ORC2: variants seen among roughly 807,000 people sequenced by gnomAD.
ORC2 encodes the protein origin recognition complex protein 2 homolog.
A neutral mutation model predicts 77.7 loss-of-function variants in ORC2; 37 were observed. The ratio of observed to expected loss-of-function variants is 0.48; its 90% CI spans 0.37 to 0.63. The LOEUF (loss-of-function observed/expected upper bound fraction) is 0.63, where lower values mean the gene tolerates loss of function less well. Among genes scored for constraint, ORC2 ranks in the 20% least tolerant of loss-of-function variants. The probability of loss-of-function intolerance (pLI) is 0.00; values close to 1 mark genes in which losing one functional copy is unlikely to be tolerated. For missense variants in ORC2, 557 were observed against 661.9 expected (o/e 0.84, Z 1.74); for synonymous variants, 201 against 229.5 (o/e 0.88, Z 1.12).
chr2:200,940,288 G>A lies in ORC2; in HGVS notation c.453+960C>T, dbSNP rs536543017. Among the ~76,000 whole-genome samples the A allele has an allele frequency of 1.8e-4, 28 of 152,260 alleles. No individual in the cohort carries two copies. The East Asian group carries it at 4.2e-3, about 23-fold the overall frequency. On this transcript the variant is annotated intron_variant, in intron 7 of 17. Transcript: ENST00000234296. ...ACCCTTTCCTTATGGTAGGTAAGCC[G>A]TGGGTCTGGGGAGTAACACTGCAGA...
rs200066674 is a variant in ORC2, at chr2:200,913,994, T to TAAAAAAAAAA, written c.1467-12_1467-3dup. ...TTTATTAGTAGCCTGAAAATTCCCC[T>TAAAAAAAAAA]AAAAAAAAAAAAAAACAGGAATTTA... On this transcript the variant is annotated splice_region_variant and splice_polypyrimidine_tract_variant and intron_variant, in intron 15 of 17. Transcript: ENST00000234296. 8.7e-7 allele frequency: 1 copy of TAAAAAAAAAA among 1,148,150 alleles called. No homozygotes were observed. Among genetic ancestry groups the TAAAAAAAAAA allele is most frequent in the Non-Finnish European group, 1.2e-6 (1 of 836,474 alleles). The allele number at this position is 1,148,150 out of a possible 1,614,324, so 71.1% of individuals were successfully genotyped here.
intron 14 of ORC2, 88 bp from the exon 15 acceptor site, chr2:200,920,481 G>T: frequency 9.0e-7 from 1 of 1,105,614 alleles, no homozygotes; most frequent in Non-Finnish European, 1.2e-6. Flanking sequence ...AATGAGAAAG[G>T]ATTAAATAAA....
At chr2:200,953,273 CATTA>C (rs1358324943) in intron 4 of ORC2, among the ~76,000 whole-genome samples, 1 of 149,822 alleles carries the variant, frequency 6.7e-6, no homozygotes, top group Non-Finnish European at 1.5e-5. Flanking sequence ...GAAAACCACA[CATTA>C]TTTATATATT....
chr2:200,952,450 A>G (rs1480411066), intron 4 of ORC2, among the ~76,000 whole-genome samples: 4 of 151,834 alleles, frequency 2.6e-5, no homozygotes, highest in Admixed American at 2.6e-4. Flanking sequence ...TTTAGTAGGG[A>G]CAGGGTTTCA....
chr2:200,909,208 A>C lies in ORC2; in HGVS notation c.*2093T>G, dbSNP rs1389640011. 6.6e-6 allele frequency: 1 copy of C among 152,236 alleles called. No individual in the cohort carries two copies. Among genetic ancestry groups the C allele is most frequent in the Non-Finnish European group, 1.5e-5 (1 of 68,046 alleles). 9.4% of individuals were successfully genotyped at this position (152,236 alleles called of 1,614,324 possible). On this transcript the variant is annotated 3_prime_UTR_variant, in exon 18 of 18. Transcript: ENST00000234296. ...ACCAATTGTGTTTTTAAAAGGAGAA[A>C]GACAGATACTTTTACATATGCATAG...
At position 200,958,045 on chromosome 2, in the gene ORC2, G is replaced by A. The variant is rs574656597; in HGVS notation, c.79C>T (p.Leu27=). ...CACTTAATACCTCCTTCTCTATCTA[G>A]AATGTGATTAAGAACATCATCATCT... The part of the protein sequence containing the change: ...VGDDDVLNHI[L]DREGGAKLKK... The change falls in exon 3 of 18, where the codon CTA becomes TTA. Residue 27 remains leucine, a synonymous_variant. Coordinates refer to ENST00000234296, the MANE Select transcript of ORC2 (RefSeq NM_006190.5). 5 of 1,593,734 alleles carry A rather than the reference G, an allele frequency of 3.1e-6. No individual in the cohort carries two copies. In the Admixed American group the frequency reaches 6.7e-5, roughly 21 times the overall value.
intron 13 of ORC2, among the ~76,000 whole-genome samples, chr2:200,921,923 C>T (rs959078621): frequency 5.9e-5 from 9 of 151,998 alleles, no homozygotes; most frequent in African/African-American, 1.2e-4. Context: ...ATGTGTGAGC[C>T]GCCGTGCTCA....
intron 15 of ORC2, among the ~76,000 whole-genome samples, chr2:200,916,344 G>A (rs759076586): frequency 2.6e-5 from 4 of 152,002 alleles, no homozygotes; most frequent in Non-Finnish European, 5.9e-5. Context: ...TTAGCCAGGT[G>A]TGGTGGTGCA....
chr2:200,918,304 G>A (rs2040694139), intron 15 of ORC2, among the ~76,000 whole-genome samples: 1 of 152,020 alleles, frequency 6.6e-6, no homozygotes, highest in East Asian at 1.9e-4. Context: ...TTTGTATTTT[G>A]AGCCAGGGTA....
intron 1 of ORC2, among the ~76,000 whole-genome samples, chr2:200,961,325 A>G (rs369768086): frequency 1.7e-4 from 25 of 151,208 alleles, no homozygotes; most frequent in African/African-American, 5.3e-4. Flanking sequence ...AAGCCTTGCT[A>G]ATTTTTGTAT....
chr2:200,912,205 A>G (rs1225103515), intron 17 of ORC2, among the ~76,000 whole-genome samples: 1 of 152,104 alleles, frequency 6.6e-6, no homozygotes, highest in African/African-American at 2.4e-5. Context: ...TAGTACCCCA[A>G]TGCCTGGTTT....
At position 200,912,308 on chromosome 2, in the gene ORC2, T is replaced by G. The variant is rs536613030; in HGVS notation, c.1648-921A>C. Among the ~76,000 whole-genome samples the G allele has an allele frequency of 5.3e-4, 81 of 152,350 alleles. No individual in the cohort carries two copies. The South Asian group carries it at 6.6e-3, about 12-fold the overall frequency. ...TTGTCCTAGGTATCCAACTGCATAG[T>G]TGACATTTCCATTTGGAAATCTCAA... is the stretch of plus-strand genomic sequence containing the variant. On this transcript the variant is annotated intron_variant, in intron 17 of 17. Transcript: ENST00000234296.
chr2:200,931,131 C>T (rs2040930551), intron 11 of ORC2, among the ~76,000 whole-genome samples: 2 of 151,954 alleles, frequency 1.3e-5, no homozygotes, highest in African/African-American at 4.8e-5. Flanking sequence ...ACACAAATTT[C>T]TTAAAAACTG....
chr2:200,913,434 T>C (rs1407120884), intron 16 of ORC2, 21 bp from the exon 17 acceptor site: 47 of 1,568,080 alleles, frequency 3.0e-5, no homozygotes, highest in Non-Finnish European at 3.9e-5. Context: ...CAAAAGGATA[T>C]GAACATAAGT....
At chr2:200,927,005 A>G in intron 11 of ORC2, 105 bp from the exon 12 acceptor site, 1 of 1,238,646 alleles carries the variant, frequency 8.1e-7, no homozygotes, top group East Asian at 2.4e-5. Flanking sequence ...AATACAGGAA[A>G]GGGGTAGGCG....
chr2:200,963,595 C>T lies in ORC2; in HGVS notation c.-165G>A, dbSNP rs1172719773. 5.0e-6 allele frequency: 2 copies of T among 398,584 alleles called. No individual in the cohort carries two copies. The highest frequency in any genetic ancestry group is 1.3e-4 in the South Asian group (1 of 7,862). 24.7% of individuals were successfully genotyped at this position (398,584 alleles called of 1,614,324 possible). A position where few individuals can be genotyped will look rare whatever the true frequency, so the allele number is the denominator to read the frequency against. Reference sequence around the variant, plus strand: ...GTACCTTCGGCCCCAACGGGAAAAGCCAATTTCCAGTAATTCGCGCCCGAC... The same window carrying T: ...GTACCTTCGGCCCCAACGGGAAAAGTCAATTTCCAGTAATTCGCGCCCGAC... On this transcript the variant is annotated 5_prime_UTR_variant, in exon 1 of 18. Coordinates refer to ENST00000234296, the MANE Select transcript of ORC2 (RefSeq NM_006190.5).
intron 15 of ORC2, among the ~76,000 whole-genome samples, chr2:200,916,988 C>T (rs2040666148): frequency 7.0e-6 from 1 of 143,782 alleles, no homozygotes; most frequent in Non-Finnish European, 1.5e-5. Context: ...GCCACTGTGC[C>T]CCACCTTTTT....
At chr2:200,922,375 TAAA>T (rs777219779) in intron 13 of ORC2, among the ~76,000 whole-genome samples, 1 of 68,460 alleles carries the variant, frequency 1.5e-5, no homozygotes. Context: ...ATGAAATAGG[TAAA>T]AAAAAAAAAA....
At chr2:200,939,935 G>C (rs1242616532) in intron 7 of ORC2, among the ~76,000 whole-genome samples, 1 of 152,146 alleles carries the variant, frequency 6.6e-6, no homozygotes, top group Non-Finnish European at 1.5e-5. Flanking sequence ...CATTATTAAA[G>C]ACAAATGAAA....
Sources: gnomAD v4.1 joint callset for allele counts (sites outside exome capture counted in the v4.1 genomes callset) on GRCh38, gnomAD v4.1.1 for gene constraint, MANE v1.5 for transcripts, NCBI Gene and HGNC (gene_info 2026-07-23, HGNC 2026-07-21) for gene names.